TPO: variants seen among roughly 807,000 people sequenced by gnomAD.
TPO encodes the protein thyroid microsomal antigen.
In TPO, 78 loss-of-function variants were observed where a neutral mutation model predicts 96.9. That is an observed-to-expected ratio of 0.81 (90% CI 0.67 to 0.97). The LOEUF (loss-of-function observed/expected upper bound fraction) is 0.97, where lower values mean the gene tolerates loss of function less well. Among genes scored for constraint, TPO ranks in the 50% least tolerant of loss-of-function variants. The pLI, the probability that TPO is intolerant of heterozygous loss-of-function variation, is 0.00. For missense variants in TPO, 1,252 were observed against 1,274.8 expected, an observed-to-expected ratio of 0.98 and a Z score of 0.27; for synonymous variants, 547 against 538.0, an observed-to-expected ratio of 1.02 and a Z score of -0.23.
At chr2:1,459,435 C>T (rs1365237117) in intron 7 of TPO, among the ~76,000 whole-genome samples, 4 of 151,952 alleles carry the variant, frequency 2.6e-5, no homozygotes, top group African/African-American at 9.7e-5. Flanking sequence ...CAGGTGTGAG[C>T]CACCGTGCTC....
At chr2:1,477,662 G>C (rs1025893620) in intron 8 of TPO, 58 bp downstream of exon 8, 3 of 1,432,372 alleles carry the variant, frequency 2.1e-6, no homozygotes, top group Non-Finnish European at 2.7e-6. Context: ...GGGGCGCCTC[G>C]TGTGGGTGCG....
intron 13 of TPO, among the ~76,000 whole-genome samples, chr2:1,503,497 C>A (rs1673078218): frequency 6.6e-6 from 1 of 152,180 alleles, no homozygotes; most frequent in African/African-American, 2.4e-5. Context: ...GAGGGGACCC[C>A]ACATCCTCAC....
intron 15 of TPO, among the ~76,000 whole-genome samples, chr2:1,518,547 C>G (rs578014956): frequency 6.6e-6 from 1 of 152,340 alleles, no homozygotes; most frequent in African/African-American, 2.4e-5. Context: ...TGCAAGGCCT[C>G]TGACAACTGC....
chr2:1,424,698 C>T (rs985150340), intron 3 of TPO, among the ~76,000 whole-genome samples: 16 of 152,280 alleles, frequency 1.1e-4, no homozygotes, highest in Non-Finnish European at 2.4e-4. Context: ...AACTATGTTT[C>T]TTTCCTTAAG....
intron 14 of TPO, among the ~76,000 whole-genome samples, chr2:1,509,691 T>C (rs923767120): frequency 9.7e-6 from 1 of 103,286 alleles, no homozygotes; most frequent in Non-Finnish European, 2.0e-5. Context: ...CACTCTCTGG[T>C]TTCAGGCACA....
At chr2:1,399,862 A>G (rs1662139284) in intron 1 of TPO, among the ~76,000 whole-genome samples, 2 of 152,234 alleles carry the variant, frequency 1.3e-5, no homozygotes, top group Admixed American at 6.5e-5. Flanking sequence ...ACGGGTGCAC[A>G]GGAAAATCCT....
At position 1,453,966 on chromosome 2, in the gene TPO, G is replaced by C. The variant is rs1667555296; in HGVS notation, c.612+143G>C. The stretch of plus-strand genomic sequence containing the variant: ...ATCCTCCCAGCCTCCCTTTGATGTA[G>C]CAATCACTGTTTCTGCCCTATGGCT... On this transcript the variant is annotated intron_variant, in intron 6 of 16. Transcript: ENST00000329066. 1.9e-5 allele frequency: 25 copies of C among 1,336,512 alleles called. 1 individual carries two copies. Among genetic ancestry groups the C allele is most frequent in the Non-Finnish European group, 2.5e-5 (24 of 956,914 alleles). The allele number at this position is 1,336,512 out of a possible 1,614,324, so 82.8% of individuals were successfully genotyped here.
Position 1,493,805 on chromosome 2 carries a change from A to T in TPO, c.1772A>T (p.Tyr591Phe). 6.2e-7 allele frequency: 1 copy of T among 1,614,178 alleles called. No individual in the cohort carries two copies. The highest frequency in any genetic ancestry group is 8.5e-7 in the Non-Finnish European group (1 of 1,180,014). The change falls in exon 11 of 17, where the codon TAC becomes TTC. Residue 591 changes from tyrosine (Y) to phenylalanine (F), a missense_variant. Tyr to Phe is a conservative substitution (Grantham distance 22). Transcript: ENST00000329066. ...QRGRDHGLPG[Y>F]NEWREFCGLP... ...CTGCAGCCTCTCCCCTGTGCAGGTT[A>T]CAATGAGTGGAGGGAGTTCTGCGGC...
At chr2:1,514,501 CGTT>C (rs755247568) in intron 14 of TPO, among the ~76,000 whole-genome samples, 1 of 152,196 alleles carries the variant, frequency 6.6e-6, no homozygotes, top group Non-Finnish European at 1.5e-5. Context: ...CAAAGGCCCT[CGTT>C]GGCCTTCACC....
chr2:1,510,543 G>C (rs1052497010), intron 14 of TPO, among the ~76,000 whole-genome samples: 2 of 152,170 alleles, frequency 1.3e-5, no homozygotes, highest in African/African-American at 4.8e-5. Context: ...TGGAGGTCAG[G>C]AACAGCCCTG....
At chr2:1,512,508 G>C in intron 14 of TPO, 1 of 983,640 alleles carries the variant, frequency 1.0e-6, no homozygotes. Flanking sequence ...TGGATGTGAT[G>C]CTTGCATGGT....
intron 9 of TPO, among the ~76,000 whole-genome samples, chr2:1,485,246 T>C (rs892424558): frequency 2.0e-5 from 3 of 152,230 alleles, no homozygotes; most frequent in South Asian, 2.1e-4. Context: ...ATCGTTTTTT[T>C]ATGGCTGCAT....
At chr2:1,530,573 C>T (rs1200132588) in intron 15 of TPO, among the ~76,000 whole-genome samples, 1 of 115,584 alleles carries the variant, frequency 8.7e-6, no homozygotes, top group Non-Finnish European at 1.7e-5. Flanking sequence ...TCACAAAATC[C>T]CACGATGTGT....
At chr2:1,503,897 A>G (rs1158598022) in intron 13 of TPO, 51 bp from the exon 14 acceptor site, 28 of 1,613,824 alleles carry the variant, frequency 1.7e-5, no homozygotes, top group Non-Finnish European at 2.4e-5. Context: ...CTCGCGGGAG[A>G]TGGGGGTGCA....
intron 10 of TPO, among the ~76,000 whole-genome samples, chr2:1,491,033 G>T (rs1671726244): frequency 6.6e-6 from 1 of 152,068 alleles, no homozygotes; most frequent in African/African-American, 2.4e-5. Flanking sequence ...AGCTGGGCGT[G>T]GTGGCAGACA....
intron 5 of TPO, among the ~76,000 whole-genome samples, chr2:1,441,812 T>C (rs1666221900): frequency 6.6e-6 from 1 of 152,178 alleles, no homozygotes; most frequent in Non-Finnish European, 1.5e-5. Flanking sequence ...GGTTTTAGTG[T>C]GTAGCTTGGC....
At chr2:1,453,334 G>A (rs1161050397) in intron 5 of TPO, among the ~76,000 whole-genome samples, 2 of 152,148 alleles carry the variant, frequency 1.3e-5, no homozygotes, top group Non-Finnish European at 2.9e-5. Context: ...TCTTTGTTTG[G>A]AGTACCAGAA....
At chr2:1,508,053 C>G (rs1054408949) in intron 14 of TPO, among the ~76,000 whole-genome samples, 4 of 151,764 alleles carry the variant, frequency 2.6e-5, no homozygotes, top group Non-Finnish European at 2.9e-5. Flanking sequence ...TTTTGAGATA[C>G]TTCCCATCAA....
chr2:1,503,042 TG>T (rs1229702862), intron 13 of TPO, among the ~76,000 whole-genome samples: 6 of 152,074 alleles, frequency 3.9e-5, no homozygotes, highest in Admixed American at 3.9e-4. Flanking sequence ...CGTCCTGGGG[TG>T]GCCGAGTCGG....
Sources: allele counts gnomAD v4.1 joint callset (sites outside exome capture counted in the v4.1 genomes callset), GRCh38; gene constraint gnomAD v4.1.1; transcripts MANE v1.5; gene names NCBI Gene and HGNC (gene_info 2026-07-23, HGNC 2026-07-21).